The following PHF7 variants were observed in gnomAD, a reference collection of about 807,000 sequenced individuals.
PHF7 encodes the protein PHD finger protein 7.
In PHF7, 24 loss-of-function variants were observed where a neutral mutation model predicts 47.5. That is an observed-to-expected ratio of 0.51 (90% CI 0.37 to 0.71). PHF7 has a LOEUF of 0.71. Ranked by LOEUF, PHF7 falls within the 30% of genes least tolerant of loss-of-function variation. The probability of loss-of-function intolerance (pLI) is 0.00; values close to 1 mark genes in which losing one functional copy is unlikely to be tolerated. For synonymous variants in PHF7, 156 were observed against 153.8 expected (o/e 1.01, Z -0.11); for missense variants, 361 against 456.8 (o/e 0.79, Z 1.91).
intron 4 of PHF7, among the ~76,000 whole-genome samples, chr3:52,419,170 T>C (rs998761343): frequency 1.2e-4 from 18 of 152,070 alleles, no homozygotes; most frequent in Non-Finnish European, 2.6e-4. Flanking sequence ...CAGCACACAA[T>C]AGCAGCCCTC....
chr3:52,422,644 A>G, intron 9 of PHF7, 116 bp from the exon 10 acceptor site: 20 of 1,085,126 alleles, frequency 1.8e-5, no homozygotes, highest in Non-Finnish European at 2.8e-5. Flanking sequence ...TCTCTGAGCC[A>G]TACATTCATC....
chr3:52,423,046 A>G, intron 10 of PHF7, 45 bp from the exon 11 acceptor site: 1 of 1,507,282 alleles, frequency 6.6e-7, no homozygotes. Context: ...TGTGCCTGGG[A>G]GAAGCAGAGG....
intron 2 of PHF7, among the ~76,000 whole-genome samples, 186 bp from the exon 3 acceptor site, chr3:52,413,809 TG>T (rs1340531776): frequency 6.6e-6 from 1 of 152,158 alleles, no homozygotes; most frequent in Admixed American, 6.5e-5. Context: ...CCCTCCAGCC[TG>T]GGCAACAGAG....
chr3:52,411,339 G>C (rs1003388088), intron 1 of PHF7, 92 bp downstream of exon 1: 1 of 152,340 alleles, frequency 6.6e-6, no homozygotes, highest in African/African-American at 2.4e-5. Context: ...GGAATAGCAA[G>C]GTCAGGACAT....
chr3:52,416,975 G>A (rs775994349), intron 4 of PHF7, among the ~76,000 whole-genome samples: 2 of 151,970 alleles, frequency 1.3e-5, no homozygotes, highest in African/African-American at 4.8e-5. Context: ...TTTTCTTAAT[G>A]GTGTCTTTCA....
chr3:52,412,174 C>T (rs2153228864), intron 1 of PHF7, among the ~76,000 whole-genome samples: 1 of 151,808 alleles, frequency 6.6e-6, no homozygotes. Flanking sequence ...TGCACTCCAG[C>T]CTGGGCAACA....
chr3:52,417,833 G>A (rs889183742), intron 4 of PHF7, among the ~76,000 whole-genome samples: 2 of 152,124 alleles, frequency 1.3e-5, no homozygotes, highest in Non-Finnish European at 1.5e-5. Flanking sequence ...AGTGGTGTGA[G>A]TTGTTATCCT....
At chr3:52,422,971 AG>A in intron 10 of PHF7, 90 bp downstream of exon 10, 1 of 1,557,202 alleles carries the variant, frequency 6.4e-7, no homozygotes, top group Non-Finnish European at 8.8e-7. Context: ...ATCCCACCAG[AG>A]GGGGATTAAT....
chr3:52,419,765 TCTC>T, intron 4 of PHF7, 65 bp from the exon 5 acceptor site: 1 of 892,588 alleles, frequency 1.1e-6, no homozygotes, highest in South Asian at 1.4e-5. Flanking sequence ...ACCCTGTCCT[TCTC>T]CTCACCTCAC....
At chr3:52,416,832 CAAAAA>C (rs55888689) in intron 4 of PHF7, among the ~76,000 whole-genome samples, 2 of 119,014 alleles carry the variant, frequency 1.7e-5, no homozygotes, top group Non-Finnish European at 1.7e-5. Flanking sequence ...GACTCCGTCT[CAAAAA>C]AAAAAAAAAA....
In PHF7 at chr3:52,421,706, AAG is replaced by A; in HGVS notation, c.635_636del (p.Glu212ValfsTer37). On this transcript the variant is annotated frameshift_variant, in exon 8 of 11. Coordinates refer to ENST00000327906, the MANE Select transcript of PHF7 (RefSeq NM_016483.7). LOFTEE classifies it high-confidence loss of function. ...AAATGTCCACAGTGTAACAATCGAA[AAG>A]AGTTTCCTCAAGAAATGCTGAGAAT... The A allele has an allele frequency of 3.7e-6, 6 of 1,609,732 alleles. No homozygotes were observed. The highest frequency in any genetic ancestry group is 5.1e-6 in the Non-Finnish European group (6 of 1,176,042).
rs1016405992 is a variant in PHF7 at position 52,415,564 on chromosome 3, C to T, written c.186+977C>T. 5.3e-5 allele frequency among the ~76,000 whole-genome samples: 8 copies of T among 152,182 alleles called. No individual in the cohort carries two copies. In the East Asian group the frequency reaches 9.6e-4, roughly 18 times the overall value. On this transcript the variant is annotated intron_variant, in intron 4 of 10. Transcript: ENST00000327906. The stretch of plus-strand genomic sequence containing the variant: ...TCCTTTTCCAGTCAATCCCACTAGA[C>T]GTAATCACTGTTCTGATCTATGGAT...
At chr3:52,419,691 A>G (rs1705728083) in intron 4 of PHF7, 142 bp from the exon 5 acceptor site, 2 of 684,740 alleles carry the variant, frequency 2.9e-6, no homozygotes, top group Non-Finnish European at 2.7e-6. Flanking sequence ...TCGGCCTCCC[A>G]AAGTGCCGGG....
intron 4 of PHF7, among the ~76,000 whole-genome samples, chr3:52,416,029 T>C (rs1030898557): frequency 5.3e-5 from 8 of 152,230 alleles, no homozygotes; most frequent in African/African-American, 1.7e-4. Context: ...AGTTGCACAG[T>C]ATTCTTGCCG....
At chr3:52,414,229 A>G (rs1320279990) in intron 3 of PHF7, among the ~76,000 whole-genome samples, 181 bp downstream of exon 3, 1 of 152,252 alleles carries the variant, frequency 6.6e-6, no homozygotes. Context: ...AAGTTCAAGA[A>G]ACAAGTTATT....
At chr3:52,417,091 C>T (rs1362647956) in intron 4 of PHF7, among the ~76,000 whole-genome samples, 1 of 152,068 alleles carries the variant, frequency 6.6e-6, no homozygotes, top group Non-Finnish European at 1.5e-5. Context: ...CATAGAATTG[C>T]CTTGGTGCCT....
chr3:52,422,178 C>T, intron 8 of PHF7, 44 bp from the exon 9 acceptor site: 1 of 1,349,604 alleles, frequency 7.4e-7, no homozygotes. Context: ...AAAAGTTTCA[C>T]CAACCCATTA....
At chr3:52,418,447 C>T (rs1705685871) in intron 4 of PHF7, among the ~76,000 whole-genome samples, 1 of 152,060 alleles carries the variant, frequency 6.6e-6, no homozygotes, top group Non-Finnish European at 1.5e-5. Flanking sequence ...TTGCAGAAAA[C>T]ATGAATGATA....
intron 5 of PHF7, 109 bp downstream of exon 5, chr3:52,420,043 T>C: frequency 1.3e-6 from 1 of 767,906 alleles, no homozygotes; most frequent in Non-Finnish European, 2.2e-6. Flanking sequence ...GTCAAAGGAC[T>C]CTTGGATTTT....
Sources: gnomAD v4.1 joint callset for allele counts (sites outside exome capture counted in the v4.1 genomes callset) on GRCh38, gnomAD v4.1.1 for gene constraint, MANE v1.5 for transcripts, NCBI Gene and HGNC (gene_info 2026-07-23, HGNC 2026-07-21) for gene names.